Variants in NLGN1 observed in about 807,000 individuals in gnomAD.
NLGN1 encodes neuroligin 1.
In NLGN1, 12 loss-of-function variants were observed where a neutral mutation model predicts 65.5. The ratio of observed to expected loss-of-function variants is 0.18; its 90% CI spans 0.12 to 0.30. The LOEUF (loss-of-function observed/expected upper bound fraction) is 0.30, where lower values mean the gene tolerates loss of function less well. Ranked by LOEUF, NLGN1 falls within the 10% of genes least tolerant of loss-of-function variation. The probability of loss-of-function intolerance (pLI) is 1.00; values close to 1 mark genes in which losing one functional copy is unlikely to be tolerated. For synonymous variants in NLGN1, 350 were observed against 359.5 expected, an observed-to-expected ratio of 0.97 and a Z score of 0.30; for missense variants, 750 against 1,007.1, an observed-to-expected ratio of 0.74 and a Z score of 3.46.
chr3:173,396,925 C>A (rs540603016), upstream of NLGN1, among the ~76,000 whole-genome samples: 11 of 152,286 alleles, frequency 7.2e-5, no homozygotes, highest in Admixed American at 4.6e-4. Flanking sequence ...CTTTCCCAGG[C>A]TAGTAGCTGA....
intron 4 of NLGN1, among the ~76,000 whole-genome samples, chr3:173,881,089 CTTTTTTTTTTTTTTT>C (rs928288845): frequency 9.2e-6 from 1 of 108,212 alleles, no homozygotes; most frequent in Non-Finnish European, 1.8e-5. Flanking sequence ...AGGCTCCCTC[CTTTTTTTTTTTTTTT>C]TTTTTTTTTT....
intron 4 of NLGN1, among the ~76,000 whole-genome samples, chr3:174,126,844 A>G (rs1274932749): frequency 1.3e-5 from 2 of 152,104 alleles, no homozygotes. Flanking sequence ...AAATAAATAA[A>G]TTTGTTGTTA....
chr3:174,100,605 G>A (rs9872442), intron 4 of NLGN1, among the ~76,000 whole-genome samples: 1 of 151,750 alleles, frequency 6.6e-6, no homozygotes, highest in Non-Finnish European at 1.5e-5. Flanking sequence ...CCAGCCACAC[G>A]GAACTCTAAA....
chr3:173,434,351 G>T (rs1287659341), intron 1 of NLGN1, among the ~76,000 whole-genome samples: 1 of 152,104 alleles, frequency 6.6e-6, no homozygotes, highest in African/African-American at 2.4e-5. Context: ...ACATGCATAT[G>T]AATTACCAGG....
At chr3:174,254,326 T>G (rs1184131869) in intron 4 of NLGN1, among the ~76,000 whole-genome samples, 1 of 123,630 alleles carries the variant, frequency 8.1e-6, no homozygotes, top group South Asian at 2.4e-4. Flanking sequence ...TTTTTTTTTT[T>G]TTTTTGTAAT....
chr3:173,845,606 G>GGATAGGTAGATA (rs147688296), intron 4 of NLGN1, among the ~76,000 whole-genome samples: 647 of 147,044 alleles, frequency 4.4e-3, no homozygotes, highest in Admixed American at 0.011. Flanking sequence ...GTAGGTGGAT[G>GGATAGGTAGATA]GATAGATAGA....
intron 3 of NLGN1, among the ~76,000 whole-genome samples, chr3:173,739,168 T>C (rs886416899): frequency 7.9e-5 from 12 of 151,952 alleles, no homozygotes; most frequent in African/African-American, 2.9e-4. Flanking sequence ...ACAGTTCAGT[T>C]TAGCTAGAGA....
At chr3:173,622,016 T>G (rs937789119) in intron 3 of NLGN1, among the ~76,000 whole-genome samples, 1 of 152,254 alleles carries the variant, frequency 6.6e-6, no homozygotes. Flanking sequence ...CCTCCTTTCA[T>G]TTTTTACCAA....
At chr3:173,509,124 T>C (rs1281994337) in intron 2 of NLGN1, among the ~76,000 whole-genome samples, 1 of 152,176 alleles carries the variant, frequency 6.6e-6, no homozygotes, top group Non-Finnish European at 1.5e-5. Context: ...GTTCATTAAA[T>C]AGTATCTTAT....
chr3:174,079,306 T>G (rs1741668252), intron 4 of NLGN1, among the ~76,000 whole-genome samples: 1 of 152,144 alleles, frequency 6.6e-6, no homozygotes, highest in Non-Finnish European at 1.5e-5. Context: ...ATTACTGATC[T>G]TTAGAGAAAT....
chr3:173,711,863 C>G (rs1769050147), intron 3 of NLGN1, among the ~76,000 whole-genome samples: 1 of 152,162 alleles, frequency 6.6e-6, no homozygotes, highest in African/African-American at 2.4e-5. Flanking sequence ...ACACACTCAG[C>G]AACAGCTCTT....
Position 173,408,911 on chromosome 3 carries a change from C to CAAAAA in NLGN1, c.-390+10436_-390+10440dup, listed in dbSNP as rs11344890. ...TGGGCAACAGAGCGAGACTCTGTCT[C>CAAAAA]AAAAAAAAAAAAAAAAGAATAGGTG... is the stretch of plus-strand genomic sequence containing the variant. On this transcript the variant is annotated intron_variant, in intron 1 of 6. Coordinates refer to ENST00000457714, the Ensembl canonical transcript of NLGN1. 2.6e-3 allele frequency among the ~76,000 whole-genome samples: 324 copies of CAAAAA among 124,826 alleles called. 2 individuals carry two copies. The highest frequency in any genetic ancestry group is 0.018 in the Middle Eastern group (4 of 222). 81.9% of individuals were successfully genotyped at this position (124,826 alleles called of 152,430 possible).
At chr3:173,640,516 T>C (rs569952862) in intron 3 of NLGN1, among the ~76,000 whole-genome samples, 10 of 152,180 alleles carry the variant, frequency 6.6e-5, no homozygotes, top group Non-Finnish European at 1.3e-4. Flanking sequence ...GTATCTCTTA[T>C]GAATAATGAC....
intron 4 of NLGN1, among the ~76,000 whole-genome samples, chr3:174,114,708 C>A (rs1317949414): frequency 6.6e-6 from 1 of 152,084 alleles, no homozygotes; most frequent in Non-Finnish European, 1.5e-5. Flanking sequence ...AGTTTACATG[C>A]ACTTATACAT....
chr3:173,642,890 A>G (rs1757632800), intron 3 of NLGN1, among the ~76,000 whole-genome samples: 3 of 152,248 alleles, frequency 2.0e-5, no homozygotes, highest in Admixed American at 2.0e-4. Context: ...ACACTGTACT[A>G]GAACTGACCA....
At chr3:173,963,472 CG>C (rs1348698580) in intron 4 of NLGN1, among the ~76,000 whole-genome samples, 4 of 151,920 alleles carry the variant, frequency 2.6e-5, no homozygotes, top group African/African-American at 9.7e-5. Flanking sequence ...GTTCTATGTA[CG>C]GATCTGGAAT....
intron 4 of NLGN1, among the ~76,000 whole-genome samples, chr3:174,160,560 A>G (rs1181826342): frequency 1.3e-5 from 2 of 151,500 alleles, no homozygotes; most frequent in Non-Finnish European, 3.0e-5. Flanking sequence ...TCATCCTTAT[A>G]CTTCTGTAAA....
At chr3:174,206,469 CCT>C (rs142131326) in intron 4 of NLGN1, among the ~76,000 whole-genome samples, 1,639 of 152,216 alleles carry the variant, frequency 0.011, 21 homozygotes, top group African/African-American at 0.037. Flanking sequence ...TAGCCCACCC[CCT>C]CTTATTTGCT....
intron 4 of NLGN1, among the ~76,000 whole-genome samples, chr3:173,961,801 T>C (rs182514654): frequency 2.6e-5 from 4 of 152,178 alleles, no homozygotes; most frequent in Admixed American, 2.6e-4. Flanking sequence ...TAACATTACC[T>C]CACATAAGCT....
Sources: allele counts gnomAD v4.1 joint callset (sites outside exome capture counted in the v4.1 genomes callset), GRCh38; gene constraint gnomAD v4.1.1; transcripts MANE v1.5; gene names NCBI Gene and HGNC (gene_info 2026-07-23, HGNC 2026-07-21).